The following GRM6 variants were observed in gnomAD, a reference collection of about 807,000 sequenced individuals.
GRM6 encodes the protein metabotropic glutamate receptor 6.
In GRM6, 73 loss-of-function variants were observed where a neutral mutation model predicts 78.4. That is an observed-to-expected ratio of 0.93 (90% confidence interval 0.77 to 1.13). The LOEUF (loss-of-function observed/expected upper bound fraction) is 1.13, where lower values mean the gene tolerates loss of function less well. Among genes scored for constraint, GRM6 ranks in the 50% most tolerant of loss-of-function variants. The probability of loss-of-function intolerance (pLI) is 0.00; values close to 1 mark genes in which losing one functional copy is unlikely to be tolerated. For synonymous variants in GRM6, 580 were observed against 555.0 expected (o/e 1.05, Z -0.63); for missense variants, 1,251 against 1,256.4 (o/e 1.00, Z 0.07).
chr5:178,985,340 G>A (rs1760490748), intron 9 of GRM6: 2 of 443,716 alleles, frequency 4.5e-6, no homozygotes, highest in Non-Finnish European at 4.5e-6. Flanking sequence ...GACCCAGCAG[G>A]GGAGATGGCG....
intron 9 of GRM6, 173 bp from the exon 10 acceptor site, chr5:178,983,394 G>A (rs1381330040): frequency 2.8e-6 from 2 of 720,456 alleles, no homozygotes; most frequent in Non-Finnish European, 5.0e-6. Context: ...GGGGATGGCA[G>A]CCCAGGCAGG....
rs186207321 is a variant in GRM6 at position 178,981,458 on chromosome 5, G to T, written c.*199C>A. ...AGCGAGTCTGGTCTGTGGTGAGGAA[G>T]CATGAAGCTCACATGCTGGAATCGG... On this transcript the variant is annotated 3_prime_UTR_variant, in exon 11 of 11. Coordinates refer to ENST00000517717, the MANE Select transcript of GRM6 (RefSeq NM_000843.4). This position sits in a 1 kb window ranked among gnomAD's most constrained non-coding sequence, Gnocchi z 5.1. The T allele has an allele frequency of 2.6e-5, 15 of 587,988 alleles. No individual in the cohort carries two copies. The East Asian group carries it at 4.0e-4, about 16-fold the overall frequency. 36.4% of individuals were successfully genotyped at this position (587,988 alleles called of 1,614,324 possible). A position where few individuals can be genotyped will look rare whatever the true frequency, so the allele number is the denominator to read the frequency against.
At position 178,992,016 on chromosome 5, in the gene GRM6, G is replaced by C. The variant is rs1561720899; in HGVS notation, c.572C>G (p.Ser191Cys). 3 of 1,614,122 alleles carry C rather than the reference G, an allele frequency of 1.9e-6. No individual in the cohort carries two copies. Among genetic ancestry groups the C allele is most frequent in the Admixed American group, 1.7e-5 (1 of 60,032 alleles). The change falls in exon 3 of 11, where the codon TCC becomes TGC. Residue 191 changes from serine to cysteine, a missense_variant. Ser to Cys is a moderately radical substitution (Grantham distance 112, BLOSUM62 -1). Transcript: ENST00000517717. This position sits in a 1 kb window ranked among gnomAD's most constrained non-coding sequence, Gnocchi z 4.9. ...GTAGGAGTCGGGTGGCACCACCCGG[G>C]AGAAGAAGTCATAGCGTGTGGAGTC... ...LSDSTRYDFF[S>C]RVVPPDSYQA...
At chr5:178,987,565 G>T (rs1760593136) in intron 7 of GRM6, 2 of 408,060 alleles carry the variant, frequency 4.9e-6, no homozygotes, top group Non-Finnish European at 9.9e-6. Context: ...TCACACATGC[G>T]CAAATACCGT....
At position 178,980,478 on chromosome 5, in the gene GRM6, C is replaced by T. The variant is rs74892137; in HGVS notation, c.*1179G>A. On this transcript the variant is annotated 3_prime_UTR_variant, in exon 11 of 11. Transcript: ENST00000517717. This position sits in a 1 kb window ranked among gnomAD's most constrained non-coding sequence, Gnocchi z 4.3. Reference sequence around the variant, plus strand: ...ATCCACTTGGGATTCACCCTCACCACGGCCATGACTCTCTGTCACTGCTCC... The same window carrying T: ...ATCCACTTGGGATTCACCCTCACCATGGCCATGACTCTCTGTCACTGCTCC... 388 of 154,512 alleles carry T rather than the reference C, an allele frequency of 2.5e-3. No homozygotes were observed. Among genetic ancestry groups the T allele is most frequent in the African/African-American group, 8.9e-3 (371 of 41,622 alleles). The allele number at this position is 154,512 out of a possible 1,614,324, so 9.6% of individuals were successfully genotyped here. A position where few individuals can be genotyped will look rare whatever the true frequency, so the allele number is the denominator to read the frequency against.
rs1212858469 is a variant in GRM6, at chr5:178,979,713, G to A, written c.*1944C>T. The A allele has an allele frequency of 6.6e-6, 1 of 152,218 alleles. No individual in the cohort carries two copies. Among genetic ancestry groups the A allele is most frequent in the African/African-American group, 2.4e-5 (1 of 41,450 alleles). 9.4% of individuals were successfully genotyped at this position (152,218 alleles called of 1,614,324 possible). A position where few individuals can be genotyped will look rare whatever the true frequency, so the allele number is the denominator to read the frequency against. On this transcript the variant is annotated 3_prime_UTR_variant, in exon 11 of 11. Coordinates refer to ENST00000517717, the MANE Select transcript of GRM6 (RefSeq NM_000843.4). Reference sequence around the variant, plus strand: ...GAAAACCACATGAATGTAAAACTGTGGAAAAGTTTTCAGCTAGAAGCCAGA... The same window carrying A: ...GAAAACCACATGAATGTAAAACTGTAGAAAAGTTTTCAGCTAGAAGCCAGA...
intron 2 of GRM6, 52 bp downstream of exon 2, chr5:178,994,389 G>C: frequency 6.9e-7 from 1 of 1,442,782 alleles, no homozygotes; most frequent in Non-Finnish European, 9.1e-7. Flanking sequence ...CCACCCCAGG[G>C]CGAGGACGGG....
chr5:178,985,760 G>A (rs113413668), intron 9 of GRM6: 22,748 of 454,168 alleles, frequency 0.05, 737 homozygotes, highest in Middle Eastern at 0.07. Context: ...CTCTAAAAAC[G>A]GCATTTATCT....
Position 178,981,953 on chromosome 5 carries a change from A to G in GRM6, c.2437-99T>C. 2 of 869,690 alleles carry G rather than the reference A, an allele frequency of 2.3e-6. No homozygotes were observed. Among genetic ancestry groups the G allele is most frequent in the Non-Finnish European group, 4.0e-6 (2 of 506,070 alleles). 53.9% of individuals were successfully genotyped at this position (869,690 alleles called of 1,614,324 possible). The stretch of plus-strand genomic sequence containing the variant: ...CATACTCTGGAGCTGAGTCTGTTTC[A>G]GTTGGGGAACTGGGAATGAGCACTT... On this transcript the variant is annotated intron_variant, in intron 10 of 10. Transcript: ENST00000517717. The surrounding 1 kb of genome is among the most constrained non-coding windows in gnomAD (Gnocchi z 5.1).
Position 178,991,934 on chromosome 5 carries a change from C to A in GRM6, c.654G>T (p.Thr218=), listed in dbSNP as rs756422865. The change falls in exon 3 of 11, where the codon ACG becomes ACT. Residue 218 remains threonine, a synonymous_variant. Transcript: ENST00000517717. This position sits in a 1 kb window ranked among gnomAD's most constrained non-coding sequence, Gnocchi z 5.0. ...VRALGWNYVS[T]LASEGNYGES... is the part of the protein sequence containing the mutation. Reference sequence around the variant, plus strand: ...CGCCATAGTTGCCCTCGGAGGCCAGCGTGGACACATAGTTCCATCCCAGTG... The same window carrying A: ...CGCCATAGTTGCCCTCGGAGGCCAGAGTGGACACATAGTTCCATCCCAGTG... 2 of 1,614,100 alleles carry A rather than the reference C, an allele frequency of 1.2e-6. No homozygotes were observed. Among genetic ancestry groups the A allele is most frequent in the African/African-American group, 1.3e-5 (1 of 75,030 alleles).
At position 178,988,482 on chromosome 5, in the gene GRM6, C is replaced by A. The variant is rs949756901; in HGVS notation, c.1354+453G>T. ...CAGAAGACACAGTTTTGAGCCCTGA[C>A]CACACACCAAGCCTGGTGCCAAGGG... On this transcript the variant is annotated intron_variant, in intron 7 of 10. Coordinates refer to ENST00000517717, the MANE Select transcript of GRM6 (RefSeq NM_000843.4). This position sits in a 1 kb window ranked among gnomAD's most constrained non-coding sequence, Gnocchi z 6.0. Among the ~76,000 whole-genome samples the A allele has an allele frequency of 6.6e-5, 10 of 152,206 alleles. No individual in the cohort carries two copies. Among genetic ancestry groups the A allele is most frequent in the Non-Finnish European group, 8.8e-5 (6 of 68,042 alleles).
In GRM6 at chr5:178,994,744, GTGCACGCCC is replaced by G. The variant is rs1561722135; in HGVS notation, c.192_200del (p.Gln64_Val66del). 2.1e-6 allele frequency: 3 copies of G among 1,441,016 alleles called. No homozygotes were observed. Among genetic ancestry groups the G allele is most frequent in the Non-Finnish European group, 2.7e-6 (3 of 1,095,510 alleles). 89.3% of individuals were successfully genotyped at this position (1,441,016 alleles called of 1,614,324 possible). ...GCGCGTACAGCATGGCCTCCAGCCGGTGCACGCCCTGCTCCTTCTTCAGCTGCCCGCACG... is the reference window on the plus strand; with the variant it reads ...GCGCGTACAGCATGGCCTCCAGCCGGTGCTCCTTCTTCAGCTGCCCGCACG... On this transcript the variant is annotated inframe_deletion, in exon 2 of 11. Transcript: ENST00000517717.
In GRM6 at chr5:178,989,292, A is replaced by G; in HGVS notation, c.1126T>C (p.Ser376Pro). The G allele has an allele frequency of 1.9e-6, 3 of 1,596,606 alleles. No homozygotes were observed. Among genetic ancestry groups the G allele is most frequent in the Non-Finnish European group, 2.6e-6 (3 of 1,174,786 alleles). ...GTGCATTTGCGGGTGGAATCGTCTG[A>G]CTGGGTACCTGAGCTGGTCAGTTTG... ...NCKLTSSGTQ[S>P]DDSTRKCTGE... Residue 376 changes from serine (S) to proline (P), a missense_variant, in exon 6 of 11, where the codon TCA becomes CCA. Coordinates refer to ENST00000517717, the MANE Select transcript of GRM6 (RefSeq NM_000843.4).
Position 178,981,991 on chromosome 5 carries a change from C to T in GRM6, c.2437-137G>A. On this transcript the variant is annotated intron_variant, in intron 10 of 10. Transcript: ENST00000517717. The surrounding 1 kb of genome is among the most constrained non-coding windows in gnomAD (Gnocchi z 5.1). ...GGAATGAGCACTTAGACCAGGACAA[C>T]AGTATGAGCAGGGGCCCCGCGCCTG... 1.3e-6 allele frequency: 1 copy of T among 762,210 alleles called. No homozygotes were observed. The highest frequency in any genetic ancestry group is 2.5e-5 in the East Asian group (1 of 40,508). The allele number at this position is 762,210 out of a possible 1,614,324, so 47.2% of individuals were successfully genotyped here.
rs866824694 is a variant in GRM6, at chr5:178,981,587, A to G, written c.*70T>C. On this transcript the variant is annotated 3_prime_UTR_variant, in exon 11 of 11. Transcript: ENST00000517717. This position sits in a 1 kb window ranked among gnomAD's most constrained non-coding sequence, Gnocchi z 5.1. ...ACTGTTCACCGTGGACCCGGGCTCT[A>G]TACAGCTTCCACCTCGAGGCAAGAG... 8.0e-7 allele frequency: 1 copy of G among 1,248,404 alleles called. No individual in the cohort carries two copies. The highest frequency in any genetic ancestry group is 1.7e-5 in the Admixed American group (1 of 57,850). 77.3% of individuals were successfully genotyped at this position (1,248,404 alleles called of 1,614,324 possible).
chr5:178,994,992 T>A, intron 1 of GRM6, 32 bp from the exon 2 acceptor site: 1 of 1,099,034 alleles, frequency 9.1e-7, no homozygotes. Flanking sequence ...GGGAGCGCTC[T>A]GAGGGCGGGG....
chr5:178,994,152 G>T (rs1760730798), intron 2 of GRM6, among the ~76,000 whole-genome samples: 2 of 152,190 alleles, frequency 1.3e-5, no homozygotes, highest in African/African-American at 4.8e-5. Context: ...GCAAATGGGG[G>T]CTGAAGTCAG....
rs1041477652 is a variant in GRM6, at chr5:178,986,565, C to T, written c.1689G>A (p.Arg563=). 3 of 1,607,658 alleles carry T rather than the reference C, an allele frequency of 1.9e-6. No homozygotes were observed. In the East Asian group the frequency reaches 6.7e-5, roughly 36 times the overall value. Residue 563 remains arginine, a synonymous_variant, in exon 9 of 11, where the codon AGG becomes AGA. Coordinates refer to ENST00000517717, the MANE Select transcript of GRM6 (RefSeq NM_000843.4). The part of the protein sequence containing the change: ...FTCEACPGDM[R]PTPNHTGCRP... The stretch of plus-strand genomic sequence containing the variant: ...GGCAGCCCGTGTGGTTGGGCGTGGG[C>T]CTCATGTCCCCAGGACAGGCCTCGC...
At position 178,994,677 on chromosome 5, in the gene GRM6, G is replaced by T; in HGVS notation, c.268C>A (p.Arg90Ser). Residue 90 changes from arginine to serine, a missense_variant, in exon 2 of 11, where the codon CGC (arginine) becomes AGC (serine). Arg to Ser is a moderately radical substitution (Grantham distance 110). Transcript: ENST00000517717. ...NADPELLPGV[R>S]LGARLLDTCS... ...GTGTCCAGCAGCCGCGCGCCCAGGCGCACGCCGGGCAGCAGCTCGGGGTCG... is the reference window on the plus strand; with the variant it reads ...GTGTCCAGCAGCCGCGCGCCCAGGCTCACGCCGGGCAGCAGCTCGGGGTCG... 6.8e-7 allele frequency: 1 copy of T among 1,467,910 alleles called. No individual in the cohort carries two copies. Among genetic ancestry groups the T allele is most frequent in the Non-Finnish European group, 9.0e-7 (1 of 1,112,836 alleles). 90.9% of individuals were successfully genotyped at this position (1,467,910 alleles called of 1,614,324 possible).
Sources: allele counts gnomAD v4.1 joint callset (sites outside exome capture counted in the v4.1 genomes callset), GRCh38; gene constraint gnomAD v4.1.1; non-coding constraint Gnocchi (gnomAD v3.1); transcripts MANE v1.5; gene names NCBI Gene and HGNC (gene_info 2026-07-23, HGNC 2026-07-21).